The following MAML2 variants were observed in gnomAD, a reference collection of about 807,000 sequenced individuals.
The protein encoded by MAML2 is mastermind-like protein 2.
A neutral mutation model predicts 96.1 loss-of-function variants in MAML2; 22 were observed. The observed-to-expected ratio is 0.23, with a 90% CI of 0.16 to 0.33. MAML2 has a LOEUF of 0.33. MAML2 is among the 10% of genes least tolerant of loss of function. The pLI is 1.00. For missense variants in MAML2, 1,367 were observed against 1,392.4 expected, an observed-to-expected ratio of 0.98 and a Z score of 0.29; for synonymous variants, 561 against 521.3, an observed-to-expected ratio of 1.08 and a Z score of -1.04.
intron 2 of MAML2, among the ~76,000 whole-genome samples, chr11:96,027,257 A>G (rs1858540674): frequency 6.6e-6 from 1 of 152,216 alleles, no homozygotes; most frequent in African/African-American, 2.4e-5. Context: ...AAATTTTTAT[A>G]GAGTGCTATT....
At chr11:96,285,199 T>A (rs901572591) in intron 1 of MAML2, among the ~76,000 whole-genome samples, 2 of 152,232 alleles carry the variant, frequency 1.3e-5, no homozygotes, top group African/African-American at 4.8e-5. Context: ...ATATTTCTAC[T>A]GTAGCACCTA....
chr11:96,081,751 C>G (rs11606236), intron 2 of MAML2, among the ~76,000 whole-genome samples: 3,592 of 152,248 alleles, frequency 0.024, 149 homozygotes, highest in African/African-American at 0.082. Flanking sequence ...ATTTCATGCA[C>G]CATGGAAAAT....
At chr11:96,201,898 G>A (rs1364288881) in intron 1 of MAML2, among the ~76,000 whole-genome samples, 3 of 150,122 alleles carry the variant, frequency 2.0e-5, no homozygotes, top group East Asian at 2.0e-4. Context: ...CAGCCTGAGC[G>A]ACAGAGAGAG....
intron 1 of MAML2, among the ~76,000 whole-genome samples, chr11:96,335,699 C>G (rs1863912494): frequency 6.6e-6 from 1 of 152,204 alleles, no homozygotes; most frequent in South Asian, 2.1e-4. Context: ...TGCATCATAG[C>G]TGTTGATTCC....
intron 2 of MAML2, among the ~76,000 whole-genome samples, chr11:96,043,540 C>CTGCA (rs140194966): frequency 0.014 from 2,073 of 152,326 alleles, 45 homozygotes; most frequent in African/African-American, 0.048. Context: ...GGAACTTATG[C>CTGCA]TGCACACAGA....
In MAML2 at chr11:95,991,521, G is replaced by A. The variant is rs772799140; in HGVS notation, c.2342C>T (p.Ala781Val). The A allele has an allele frequency of 1.2e-5, 20 of 1,613,252 alleles. No individual in the cohort carries two copies. The East Asian group carries it at 1.8e-4, about 14-fold the overall frequency. ...GTAGAAATTAAGAGAAAGTTTTACC[G>A]CGTCAGCCAGCATCTGCTGCTGGAG... Reference protein sequence around the residue: ...LLLQQQMLADAEKIAPQDQIN... With the variant: ...LLLQQQMLADVEKIAPQDQIN... The change falls in exon 3 of 5, where the codon GCG becomes GTG. Residue 781 changes from alanine to valine, a missense_variant and splice_region_variant. By Grantham distance (64) the Ala-to-Val change is moderately conservative. Transcript: ENST00000524717.
intron 1 of MAML2, among the ~76,000 whole-genome samples, chr11:96,154,941 G>C (rs1472583819): frequency 2.0e-5 from 3 of 152,178 alleles, no homozygotes; most frequent in Non-Finnish European, 4.4e-5. Flanking sequence ...GTAACACTCC[G>C]GCCTCTTGGC....
rs749434536 is a variant in MAML2, at chr11:95,979,195, C to A, written c.3224G>T (p.Gly1075Val). ...CGTCAGGGATGGTGGCTGGTTGATG[C>A]CCGTCCTCGACTGATTCAACCCTGT... ...SGTGLNQSRT[G>V]INQPPSLTPS... is the part of the protein sequence containing the mutation. Residue 1075 changes from glycine (G) to valine (V), a missense_variant, in exon 5 of 5, where the codon GGC (glycine) becomes GTC (valine). Coordinates refer to ENST00000524717, the MANE Select transcript of MAML2 (RefSeq NM_032427.4). 4.3e-6 allele frequency: 7 copies of A among 1,613,834 alleles called. No homozygotes were observed. In the Admixed American group the frequency reaches 8.3e-5, roughly 19 times the overall value.
chr11:96,223,237 G>A (rs1344157822), intron 1 of MAML2, among the ~76,000 whole-genome samples: 2 of 152,090 alleles, frequency 1.3e-5, no homozygotes, highest in African/African-American at 2.4e-5. Flanking sequence ...TATTAATTAT[G>A]TATGACCTAA....
intron 2 of MAML2, among the ~76,000 whole-genome samples, chr11:96,032,409 T>C (rs1858630979): frequency 6.6e-6 from 1 of 151,920 alleles, no homozygotes; most frequent in Admixed American, 6.6e-5. Context: ...ACCAACATGG[T>C]GAAACCCATC....
intron 1 of MAML2, among the ~76,000 whole-genome samples, chr11:96,246,753 T>C (rs116461107): frequency 2.0e-5 from 3 of 152,240 alleles, no homozygotes; most frequent in African/African-American, 7.2e-5. Context: ...ATACCCAGGA[T>C]TGTAGTTACC....
intron 1 of MAML2, among the ~76,000 whole-genome samples, chr11:96,179,402 G>A (rs1439485931): frequency 6.6e-6 from 1 of 152,106 alleles, no homozygotes; most frequent in African/African-American, 2.4e-5. Context: ...TTACCTTCCA[G>A]TCCTTCCTTA....
intron 1 of MAML2, among the ~76,000 whole-genome samples, chr11:96,131,708 G>T (rs1170343821): frequency 1.3e-5 from 2 of 152,086 alleles, no homozygotes; most frequent in Non-Finnish European, 2.9e-5. Flanking sequence ...AGTGGTGATG[G>T]TTGCACAACT....
At chr11:96,137,416 A>C (rs1248938406) in intron 1 of MAML2, among the ~76,000 whole-genome samples, 1 of 152,220 alleles carries the variant, frequency 6.6e-6, no homozygotes. Flanking sequence ...TAGTTTAGAA[A>C]AATCTTTAGG....
intron 4 of MAML2, among the ~76,000 whole-genome samples, chr11:95,983,935 T>C (rs906972361): frequency 2.0e-5 from 3 of 152,040 alleles, no homozygotes; most frequent in Non-Finnish European, 2.9e-5. Flanking sequence ...AAGTGTACAG[T>C]GTTTATAAGG....
At chr11:96,218,006 T>C (rs61901908) in intron 1 of MAML2, among the ~76,000 whole-genome samples, 3,639 of 152,362 alleles carry the variant, frequency 0.024, 58 homozygotes, top group Non-Finnish European at 0.035. Flanking sequence ...TTACCTTTCA[T>C]GCTTTGCATT....
intron 1 of MAML2, among the ~76,000 whole-genome samples, chr11:96,290,938 CCTT>C (rs1863199868): frequency 6.6e-6 from 1 of 151,946 alleles, no homozygotes; most frequent in African/African-American, 2.4e-5. Flanking sequence ...GTTTCTGACT[CCTT>C]CATCTTATCA....
intron 2 of MAML2, among the ~76,000 whole-genome samples, chr11:96,025,019 A>G (rs1010205124): frequency 1.3e-5 from 2 of 152,198 alleles, no homozygotes; most frequent in African/African-American, 4.8e-5. Flanking sequence ...AAAACAAACT[A>G]CCGTTCAACC....
At chr11:95,990,643 C>G (rs1219450125) in intron 3 of MAML2, among the ~76,000 whole-genome samples, 1 of 152,100 alleles carries the variant, frequency 6.6e-6, no homozygotes, top group African/African-American at 2.4e-5. Flanking sequence ...GTTTATGGCT[C>G]TCCCCTCATT....
Sources: gnomAD v4.1 joint callset for allele counts (sites outside exome capture counted in the v4.1 genomes callset) on GRCh38, gnomAD v4.1.1 for gene constraint, MANE v1.5 for transcripts, NCBI Gene and HGNC (gene_info 2026-07-23, HGNC 2026-07-21) for gene names.